LINGO2: variants seen among roughly 807,000 people sequenced by gnomAD.
LINGO2 encodes leucine rich repeat and Ig domain containing 2, also known as leucine-rich repeat and immunoglobulin-like domain-containing nogo receptor-interacting protein 2.
A neutral mutation model predicts 30.6 loss-of-function variants in LINGO2; 14 were observed. The ratio of observed to expected loss-of-function variants is 0.46; its 90% CI spans 0.30 to 0.72. LINGO2 has a LOEUF of 0.72. Among genes scored for constraint, LINGO2 ranks in the 30% least tolerant of loss-of-function variants. LINGO2 has a pLI of 0.07. For missense variants in LINGO2, 729 were observed against 751.7 expected (o/e 0.97, Z 0.35); for synonymous variants, 317 against 288.5 (o/e 1.10, Z -1.00).
intron 1 of LINGO2, among the ~76,000 whole-genome samples, chr9:28,554,262 T>G (rs933096469): frequency 2.0e-5 from 3 of 151,138 alleles, no homozygotes; most frequent in African/African-American, 7.3e-5. Flanking sequence ...CCATCTCACG[T>G]GCAGAGACAC....
the LINGO2 span, among the ~76,000 whole-genome samples, chr9:29,087,411 C>G: frequency 1.3e-5 from 2 of 152,150 alleles, no homozygotes; most frequent in Non-Finnish European, 2.9e-5. Flanking sequence ...ATTGATTTAT[C>G]CACATTTTCT....
chr9:28,381,071 G>A (rs1821335538), intron 2 of LINGO2, among the ~76,000 whole-genome samples: 1 of 151,970 alleles, frequency 6.6e-6, no homozygotes, highest in South Asian at 2.1e-4. Flanking sequence ...CCATTGGTTG[G>A]TAAAAAGTGG....
At chr9:28,043,996 C>T (rs758015053) in intron 4 of LINGO2, among the ~76,000 whole-genome samples, 42 of 152,102 alleles carry the variant, frequency 2.8e-4, no homozygotes, top group Non-Finnish European at 5.0e-4. Flanking sequence ...GTGTTTTCCC[C>T]ATTTGGTTTG....
chr9:28,094,436 G>T (rs1343946581), intron 4 of LINGO2, among the ~76,000 whole-genome samples: 2 of 151,862 alleles, frequency 1.3e-5, no homozygotes, highest in Admixed American at 1.3e-4. Flanking sequence ...AGGCCATCTT[G>T]AACAAATCTT....
intron 1 of LINGO2, among the ~76,000 whole-genome samples, chr9:28,573,109 A>G (rs1587888932): frequency 6.6e-6 from 1 of 152,160 alleles, no homozygotes; most frequent in East Asian, 1.9e-4. Context: ...AACTAACTGG[A>G]TTGATTCTGT....
intron 1 of LINGO2, among the ~76,000 whole-genome samples, chr9:28,497,480 T>G (rs1480947015): frequency 2.0e-5 from 3 of 152,230 alleles, no homozygotes; most frequent in Non-Finnish European, 4.4e-5. Context: ...ATTCGTCATG[T>G]AGTTCTTGTG....
chr9:28,995,397 T>C, the LINGO2 span, among the ~76,000 whole-genome samples: 1 of 152,132 alleles, frequency 6.6e-6, no homozygotes, highest in Non-Finnish European at 1.5e-5. Flanking sequence ...TGTGGAGAAA[T>C]AGGAACACTT....
At chr9:28,780,642 G>A in the LINGO2 span, among the ~76,000 whole-genome samples, 1 of 152,068 alleles carries the variant, frequency 6.6e-6, no homozygotes, top group Non-Finnish European at 1.5e-5. Context: ...CAGGTGAACA[G>A]CTTCAGATTT....
chr9:28,631,896 T>C (rs1046149635), intron 1 of LINGO2, among the ~76,000 whole-genome samples: 1 of 152,166 alleles, frequency 6.6e-6, no homozygotes, highest in Non-Finnish European at 1.5e-5. Flanking sequence ...AACAAATATG[T>C]GTTAAGCTAC....
At chr9:29,108,391 T>C in the LINGO2 span, among the ~76,000 whole-genome samples, 2 of 152,098 alleles carry the variant, frequency 1.3e-5, no homozygotes, top group African/African-American at 2.4e-5. Flanking sequence ...CTTAAAAAAC[T>C]CTAACAGTAG....
At chr9:28,991,236 G>A in the LINGO2 span, among the ~76,000 whole-genome samples, 1 of 151,690 alleles carries the variant, frequency 6.6e-6, no homozygotes, top group African/African-American at 2.4e-5. Flanking sequence ...CTCAGGAGCC[G>A]ACGCGATCAA....
At chr9:27,938,422 A>G in the LINGO2 span, 2 of 152,194 alleles carry the variant, frequency 1.3e-5, no homozygotes, top group East Asian at 3.8e-4. Context: ...TAAGCCTCAC[A>G]GCACCCTTGT....
intron 5 of LINGO2, among the ~76,000 whole-genome samples, chr9:27,961,353 G>A (rs547140767): frequency 1.3e-5 from 2 of 152,132 alleles, no homozygotes; most frequent in African/African-American, 2.4e-5. Context: ...TAAAATATAG[G>A]AGCTCTGCAA....
chr9:28,102,633 C>G (rs919620509), intron 4 of LINGO2, among the ~76,000 whole-genome samples: 3 of 151,798 alleles, frequency 2.0e-5, no homozygotes, highest in Non-Finnish European at 4.4e-5. Flanking sequence ...AAAAATAAGC[C>G]AAATTCAGAT....
chr9:28,652,575 G>A (rs1476437535), intron 1 of LINGO2, among the ~76,000 whole-genome samples: 1 of 151,936 alleles, frequency 6.6e-6, no homozygotes, highest in Non-Finnish European at 1.5e-5. Context: ...GATGAAGGGA[G>A]AATTCTTACA....
rs932460947 is a variant in LINGO2 at position 28,279,096 on chromosome 9, C to T, written c.-87+16112G>A. On this transcript the variant is annotated intron_variant, in intron 4 of 5. Transcript: ENST00000379992. ...AAGAGAATTAGAAGTAAAGGTAGAT[C>T]CTGAAGATGTGACTAAATTGCTACA... 6.6e-5 allele frequency among the ~76,000 whole-genome samples: 10 copies of T among 152,134 alleles called. No homozygotes were observed. The East Asian group carries it at 1.7e-3, about 27-fold the overall frequency.
intron 1 of LINGO2, among the ~76,000 whole-genome samples, chr9:28,585,087 T>C (rs7046851): frequency 0.061 from 9,237 of 151,938 alleles, 371 homozygotes; most frequent in African/African-American, 0.11. Flanking sequence ...CACAGAAGTA[T>C]AATCAAGGAA....
At chr9:28,733,528 C>T in the LINGO2 span, among the ~76,000 whole-genome samples, 2 of 152,078 alleles carry the variant, frequency 1.3e-5, no homozygotes, top group Admixed American at 6.5e-5. Context: ...TCGAGATAAA[C>T]GCTAGTGTGC....
intron 5 of LINGO2, among the ~76,000 whole-genome samples, chr9:27,975,447 A>G (rs1035728185): frequency 1.3e-5 from 2 of 152,068 alleles, no homozygotes; most frequent in Admixed American, 1.3e-4. Context: ...GCAGATTTCC[A>G]TGATGTAAAT....
Sources: allele counts gnomAD v4.1 joint callset (sites outside exome capture counted in the v4.1 genomes callset), GRCh38; gene constraint gnomAD v4.1.1; transcripts MANE v1.5; gene names NCBI Gene and HGNC (gene_info 2026-07-23, HGNC 2026-07-21).